The following MXRA7 variants were observed in gnomAD, a reference collection of about 807,000 sequenced individuals.
MXRA7 encodes the protein matrix remodeling associated 7.
MXRA7 carries 18 observed loss-of-function variants against 17.4 expected under a neutral mutation model. That is an observed-to-expected ratio of 1.03 (90% CI 0.71 to 1.53). The LOEUF (loss-of-function observed/expected upper bound fraction) is 1.53. Ranked by LOEUF, MXRA7 falls within the 40% of genes most tolerant of loss-of-function variation. The pLI, the probability that MXRA7 is intolerant of heterozygous loss-of-function variation, is 0.00. For missense variants in MXRA7, 141 were observed against 209.3 expected (o/e 0.67, Z 2.01); for synonymous variants, 70 against 101.7 (o/e 0.69, Z 1.87).
chr17:76,696,177 G>T (rs759671193), intron 1 of MXRA7, among the ~76,000 whole-genome samples: 1 of 152,102 alleles, frequency 6.6e-6, no homozygotes, highest in Non-Finnish European at 1.5e-5. Context: ...ACACTAAAGC[G>T]TTTGGTTTCA....
chr17:76,710,691 G>T lies in MXRA7; in HGVS notation c.256C>A (p.Pro86Thr), dbSNP rs1292074695. 27 of 1,224,270 alleles carry T rather than the reference G, an allele frequency of 2.2e-5. No individual in the cohort carries two copies. The highest frequency in any genetic ancestry group is 2.7e-5 in the Non-Finnish European group (26 of 970,288). 75.8% of individuals were successfully genotyped at this position (1,224,270 alleles called of 1,614,324 possible). A position where few individuals can be genotyped will look rare whatever the true frequency, so the allele number is the denominator to read the frequency against. Residue 86 changes from proline (P) to threonine (T), a missense_variant, in exon 1 of 4, where the codon CCT becomes ACT. Pro to Thr is a conservative substitution (Grantham distance 38, BLOSUM62 -1). This residue lies in a region of MXRA7 where 72 missense variants were observed against 111.9 expected (regional missense o/e 0.64). Coordinates refer to ENST00000449428, the MANE Select transcript of MXRA7 (RefSeq NM_198530.4). ...CCTTCGGGCTCCCCCGGTCCCGCAG[G>T]CTCCCCGAGCTCCCCCAGCCCCGCG... ...EPAGLGELGE[P>T]AGPGEPEGPG...
At chr17:76,687,317 G>A (rs1216966231) in intron 2 of MXRA7, among the ~76,000 whole-genome samples, 1 of 152,222 alleles carries the variant, frequency 6.6e-6, no homozygotes, top group Admixed American at 6.5e-5. Context: ...GCAGGAGCTG[G>A]TTCCTACATT....
At chr17:76,684,795 G>A in intron 3 of MXRA7, 1 of 495,724 alleles carries the variant, frequency 2.0e-6, no homozygotes, top group South Asian at 2.1e-5. Flanking sequence ...GTGTGGAGGG[G>A]GTGGGGGGGT....
chr17:76,678,347 T>C (rs978389666), downstream of MXRA7, among the ~76,000 whole-genome samples: 4 of 152,194 alleles, frequency 2.6e-5, no homozygotes, highest in African/African-American at 9.7e-5. Flanking sequence ...GGCCTAAATG[T>C]TTGCTCCACG....
At chr17:76,707,587 A>C (rs2143692991) in intron 1 of MXRA7, among the ~76,000 whole-genome samples, 1 of 152,254 alleles carries the variant, frequency 6.6e-6, no homozygotes, top group South Asian at 2.1e-4. Flanking sequence ...TACAGGTGTG[A>C]GCCATCGCGC....
chr17:76,678,588 G>GC (rs2076259765), downstream of MXRA7, among the ~76,000 whole-genome samples: 1 of 152,138 alleles, frequency 6.6e-6, no homozygotes, highest in Admixed American at 6.5e-5. Context: ...TGCAGTTCCT[G>GC]CCCCCCACAC....
intron 3 of MXRA7, chr17:76,683,900 G>C: frequency 6.2e-7 from 1 of 1,614,144 alleles, no homozygotes; most frequent in Non-Finnish European, 8.5e-7. Context: ...CTTGCTACAG[G>C]GAAGTGAGGT....
At chr17:76,694,638 T>C (rs984860525) in intron 1 of MXRA7, among the ~76,000 whole-genome samples, 2 of 152,152 alleles carry the variant, frequency 1.3e-5, no homozygotes, top group Admixed American at 6.5e-5. Context: ...AGGCTGTTGG[T>C]AGAGTGATGC....
downstream of MXRA7, among the ~76,000 whole-genome samples, chr17:76,678,208 C>T (rs1192700191): frequency 1.3e-5 from 2 of 152,058 alleles, no homozygotes; most frequent in African/African-American, 2.4e-5. Context: ...GGCAAAGGAG[C>T]GGGGAGGGAA....
chr17:76,673,168 G>A (rs1167647489), exon 4 of MXRA7: 1 of 152,256 alleles, frequency 6.6e-6, no homozygotes, highest in Non-Finnish European at 1.5e-5. Flanking sequence ...TTGGTTTGGA[G>A]GTGGGCTGCC....
chr17:76,702,872 C>G (rs551884311), intron 1 of MXRA7, among the ~76,000 whole-genome samples: 1 of 147,292 alleles, frequency 6.8e-6, no homozygotes, highest in African/African-American at 2.5e-5. Context: ...TATATATATA[C>G]GTATATATAT....
intron 1 of MXRA7, among the ~76,000 whole-genome samples, chr17:76,707,648 C>T (rs2076677015): frequency 6.6e-6 from 1 of 152,150 alleles, no homozygotes; most frequent in Non-Finnish European, 1.5e-5. Context: ...TACCGAGATA[C>T]TTGAGTCCTG....
chr17:76,702,171 C>G (rs1351100336), intron 1 of MXRA7, among the ~76,000 whole-genome samples: 1 of 152,100 alleles, frequency 6.6e-6, no homozygotes, highest in Non-Finnish European at 1.5e-5. Context: ...GGGGGAAAAC[C>G]AGGTTGAACA....
chr17:76,694,239 A>G (rs972111971), intron 1 of MXRA7, among the ~76,000 whole-genome samples: 6 of 152,052 alleles, frequency 3.9e-5, no homozygotes, highest in Non-Finnish European at 8.8e-5. Context: ...TCCTGAGGCC[A>G]TTCCACCCTG....
At chr17:76,705,672 A>G (rs929393503) in intron 1 of MXRA7, among the ~76,000 whole-genome samples, 5 of 152,158 alleles carry the variant, frequency 3.3e-5, no homozygotes, top group Non-Finnish European at 7.3e-5. Flanking sequence ...AAGAAGAGGA[A>G]GAGACATCCC....
chr17:76,679,273 G>A (rs894674138), downstream of MXRA7, among the ~76,000 whole-genome samples: 2 of 140,906 alleles, frequency 1.4e-5, no homozygotes, highest in Admixed American at 7.4e-5. Context: ...GGGCAACAGA[G>A]GGAGGCCCTG....
At chr17:76,674,551 G>C (rs2076225088) in exon 4 of MXRA7, 1 of 152,148 alleles carries the variant, frequency 6.6e-6, no homozygotes, top group South Asian at 2.1e-4. Flanking sequence ...TCAGACACTG[G>C]CTTCCGAGTG....
At chr17:76,688,259 G>T (rs750344879) in intron 1 of MXRA7, 83 bp from the exon 2 acceptor site, 1 of 1,587,200 alleles carries the variant, frequency 6.3e-7, no homozygotes. Context: ...AGGGGAGACA[G>T]AGGAGGCCCT....
chr17:76,673,352 C>T (rs1489908275), exon 4 of MXRA7: 1 of 152,272 alleles, frequency 6.6e-6, no homozygotes, highest in Non-Finnish European at 1.5e-5. Flanking sequence ...CGTGGATACT[C>T]CCACATAGGA....
Sources: gnomAD v4.1 joint callset for allele counts (sites outside exome capture counted in the v4.1 genomes callset) on GRCh38, gnomAD v4.1.1 for gene constraint, gnomAD v4.1.1 regional missense constraint, MANE v1.5 for transcripts, NCBI Gene and HGNC (gene_info 2026-07-23, HGNC 2026-07-21) for gene names.